The following CPLANE1 variants were observed in gnomAD, a reference collection of about 807,000 sequenced individuals.
CPLANE1 encodes ciliogenesis and planar polarity effector 1.
In CPLANE1, 263 loss-of-function variants were observed where a neutral mutation model predicts 362.5. The observed-to-expected ratio is 0.73, with a 90% CI of 0.66 to 0.80. The LOEUF (loss-of-function observed/expected upper bound fraction) is 0.80. CPLANE1 is among the 30% of genes least tolerant of loss of function. CPLANE1 has a pLI of 0.00. For missense variants in CPLANE1, 3,461 were observed against 3,793.4 expected (o/e 0.91, Z 2.30); for synonymous variants, 1,212 against 1,302.6 (o/e 0.93, Z 1.50).
At chr5:37,211,340 C>G in intron 16 of CPLANE1, 1 of 1,510,184 alleles carries the variant, frequency 6.6e-7, no homozygotes, top group South Asian at 1.3e-5. Context: ...ACATTAAAAA[C>G]TCTGCCAAAG....
intron 28 of CPLANE1, 105 bp from the exon 29 acceptor site, chr5:37,179,548 AT>A: frequency 1.4e-6 from 1 of 713,060 alleles, no homozygotes; most frequent in Non-Finnish European, 2.4e-6. Context: ...AATGACAGAA[AT>A]ATTTTCTATC....
At chr5:37,243,315 G>A (rs1800979469) in intron 5 of CPLANE1, among the ~76,000 whole-genome samples, 196 bp from the exon 6 acceptor site, 1 of 152,002 alleles carries the variant, frequency 6.6e-6, no homozygotes. Context: ...TGGGTAATCA[G>A]GTTGTAGTTT....
chr5:37,206,120 TA>T, intron 17 of CPLANE1, 76 bp downstream of exon 17: 1 of 978,020 alleles, frequency 1.0e-6, no homozygotes. Flanking sequence ...ACATAAAATG[TA>T]AATACCAGCA....
chr5:37,079,705 C>T, the CPLANE1 span, among the ~76,000 whole-genome samples: 2 of 152,196 alleles, frequency 1.3e-5, no homozygotes, highest in African/African-American at 2.4e-5. Context: ...AGATGCTGAA[C>T]ACACATGAAT....
At position 37,206,375 on chromosome 5, in the gene CPLANE1, C is replaced by CGTTA; in HGVS notation, c.2970_2971insTAAC (p.Val991Ter). Reference sequence around the variant, plus strand: ...ACATTAGAGAGATTCTGATCTCTAACAACACTGGCCACCTTAGAGTGTTGC... The same window carrying CGTTA: ...ACATTAGAGAGATTCTGATCTCTAACGTTAAACACTGGCCACCTTAGAGTGTTGC... On this transcript the variant is annotated stop_gained and frameshift_variant, in exon 17 of 53. Coordinates refer to ENST00000651892, the MANE Select transcript of CPLANE1 (RefSeq NM_001384732.1). 6.4e-7 allele frequency: 1 copy of CGTTA among 1,551,676 alleles called. No homozygotes were observed. Among genetic ancestry groups the CGTTA allele is most frequent in the Non-Finnish European group, 8.7e-7 (1 of 1,146,908 alleles).
chr5:37,216,273 G>C (rs1794071615), intron 15 of CPLANE1, among the ~76,000 whole-genome samples: 1 of 152,212 alleles, frequency 6.6e-6, no homozygotes. Context: ...GCCAGGCACA[G>C]AGGCTCATGC....
Position 37,108,383 on chromosome 5 carries a change from C to G in CPLANE1, c.9489G>C (p.Glu3163Asp). The change falls in exon 52 of 53, where the codon GAG becomes GAC. Residue 3163 changes from glutamate (E) to aspartate (D), a missense_variant. Around this residue, in one of 2 missense-constraint regions of CPLANE1, gnomAD observed 81 missense variants for 127.3 expected, o/e 0.64. Transcript: ENST00000651892. Reference protein sequence around the residue: ...LAPQTKQVCVEYEREETVVSP... With the variant: ...LAPQTKQVCVDYEREETVVSP... The stretch of plus-strand genomic sequence containing the variant: ...TCACCACAGTCTCCTCTCTTTCATA[C>G]TCTACACACACCTGCTTGGTTTGAG... 1 of 1,614,150 alleles carries G rather than the reference C, an allele frequency of 6.2e-7. No individual in the cohort carries two copies.
At chr5:37,091,247 G>A in the CPLANE1 span, among the ~76,000 whole-genome samples, 2 of 152,052 alleles carry the variant, frequency 1.3e-5, no homozygotes, top group African/African-American at 4.8e-5. Flanking sequence ...ACATGTATCC[G>A]TTGATACCAA....
intron 15 of CPLANE1, among the ~76,000 whole-genome samples, chr5:37,216,807 A>C (rs1377281784): frequency 6.6e-6 from 1 of 152,222 alleles, no homozygotes; most frequent in East Asian, 1.9e-4. Flanking sequence ...TGGCTCCAAC[A>C]ATAGAAAGGT....
intron 16 of CPLANE1, chr5:37,210,692 G>C: frequency 1.3e-6 from 2 of 1,571,646 alleles, no homozygotes; most frequent in African/African-American, 2.7e-5. Context: ...TAAAAGAAGA[G>C]AGACTGGAGC....
intron 9 of CPLANE1, among the ~76,000 whole-genome samples, chr5:37,228,807 TA>T (rs1244003168): frequency 6.6e-6 from 1 of 152,128 alleles, no homozygotes; most frequent in Non-Finnish European, 1.5e-5. Context: ...TATACTTTCA[TA>T]ATCAGAAAAA....
At chr5:37,223,769 G>A (rs778093862) in intron 14 of CPLANE1, among the ~76,000 whole-genome samples, 2 of 152,010 alleles carry the variant, frequency 1.3e-5, no homozygotes, top group African/African-American at 2.4e-5. Context: ...AAAAGCCCTC[G>A]CTCCATGTTT....
chr5:37,153,651 T>C, intron 42 of CPLANE1, 89 bp downstream of exon 42: 1 of 1,346,308 alleles, frequency 7.4e-7, no homozygotes, highest in Admixed American at 2.2e-5. Context: ...GTTCTCATTA[T>C]TTTGAAAAAT....
At position 37,138,161 on chromosome 5, in the gene CPLANE1, C is replaced by T. The variant is rs182199162; in HGVS notation, c.8792+559G>A. ...GTGTTGAAGTCCCCCACTATTACTA[C>T]GTGGTTGCCTAAATAGTTTCATAGG... is the stretch of plus-strand genomic sequence containing the variant. On this transcript the variant is annotated intron_variant, in intron 46 of 52. Coordinates refer to ENST00000651892, the MANE Select transcript of CPLANE1 (RefSeq NM_001384732.1). 3.0e-4 allele frequency among the ~76,000 whole-genome samples: 46 copies of T among 152,250 alleles called. 1 individual carries two copies. Among genetic ancestry groups the T allele is most frequent in the Non-Finnish European group, 2.4e-4 (16 of 68,008 alleles).
At chr5:37,110,210 C>T (rs1298873922) in intron 51 of CPLANE1, among the ~76,000 whole-genome samples, 1 of 152,122 alleles carries the variant, frequency 6.6e-6, no homozygotes, top group African/African-American at 2.4e-5. Flanking sequence ...AAACTCCTTG[C>T]CTTAGCCTAC....
chr5:37,189,226 T>C (rs1397554407), intron 21 of CPLANE1, among the ~76,000 whole-genome samples: 2 of 152,226 alleles, frequency 1.3e-5, no homozygotes, highest in Non-Finnish European at 2.9e-5. Flanking sequence ...AGCTATTTAA[T>C]ATGCTTTTTA....
At chr5:37,089,550 A>G in the CPLANE1 span, among the ~76,000 whole-genome samples, 18 of 152,144 alleles carry the variant, frequency 1.2e-4, no homozygotes, top group African/African-American at 3.6e-4. Flanking sequence ...CAGCCCTTGG[A>G]ATTCACCCAT....
the CPLANE1 span, among the ~76,000 whole-genome samples, chr5:37,079,597 A>AAGTCTTTTTTCCTCTAAGG: frequency 9.2e-5 from 14 of 152,134 alleles, no homozygotes; most frequent in African/African-American, 3.4e-4. Context: ...TCTTACCTAA[A>AAGTCTTTTTTCCTCTAAGG]AGTCTTTTTT....
In CPLANE1 at chr5:37,180,852, C is replaced by G; in HGVS notation, c.5570+5G>C. The G allele has an allele frequency of 6.2e-7, 1 of 1,613,584 alleles. No individual in the cohort carries two copies. Among genetic ancestry groups the G allele is most frequent in the South Asian group, 1.1e-5 (1 of 91,038 alleles). On this transcript the variant is annotated splice_donor_5th_base_variant and intron_variant, in intron 27 of 52. Coordinates refer to ENST00000651892, the MANE Select transcript of CPLANE1 (RefSeq NM_001384732.1). ...TTGAAAAGAAGAGTATAATCGGCAA[C>G]TTACTTCAAGATATTTTGACAAGAT... is the stretch of plus-strand genomic sequence containing the variant.
Sources: gnomAD v4.1 joint callset for allele counts (sites outside exome capture counted in the v4.1 genomes callset) on GRCh38, gnomAD v4.1.1 for gene constraint, gnomAD v4.1.1 regional missense constraint, MANE v1.5 for transcripts, NCBI Gene and HGNC (gene_info 2026-07-23, HGNC 2026-07-21) for gene names.